Variants in IGF2BP2 observed in about 807,000 individuals in gnomAD.
IGF2BP2 encodes the protein insulin like growth factor 2 mRNA binding protein 2.
In IGF2BP2, 17 loss-of-function variants were observed where a neutral mutation model predicts 75.8. The observed-to-expected ratio is 0.22, with a 90% CI of 0.15 to 0.34. The LOEUF (loss-of-function observed/expected upper bound fraction) is 0.34, where lower values mean the gene tolerates loss of function less well. IGF2BP2 is among the 10% of genes least tolerant of loss of function. The probability of loss-of-function intolerance (pLI) is 1.00; values close to 1 mark genes in which losing one functional copy is unlikely to be tolerated. For missense variants in IGF2BP2, 516 were observed against 772.4 expected (o/e 0.67, Z 3.93); for synonymous variants, 288 against 295.6 (o/e 0.97, Z 0.26).
chr3:185,800,507 G>GT (rs1471158334), intron 2 of IGF2BP2, among the ~76,000 whole-genome samples: 2 of 152,072 alleles, frequency 1.3e-5, no homozygotes, highest in Non-Finnish European at 2.9e-5. Flanking sequence ...GCAAGGCTGA[G>GT]GCAAGGATCA....
chr3:185,786,480 T>A (rs1228138409), intron 2 of IGF2BP2, among the ~76,000 whole-genome samples: 3 of 152,210 alleles, frequency 2.0e-5, no homozygotes, highest in Non-Finnish European at 4.4e-5. Flanking sequence ...AACTGAGCAA[T>A]TAACCTTGTT....
intron 2 of IGF2BP2, among the ~76,000 whole-genome samples, chr3:185,741,211 C>T (rs1244673040): frequency 2.0e-5 from 3 of 152,130 alleles, no homozygotes; most frequent in Non-Finnish European, 2.9e-5. Context: ...GTCAAAGGCA[C>T]AAGGGTAAAA....
At chr3:185,695,493 G>T (rs1013881389) in intron 4 of IGF2BP2, among the ~76,000 whole-genome samples, 1 of 152,130 alleles carries the variant, frequency 6.6e-6, no homozygotes, top group Non-Finnish European at 1.5e-5. Flanking sequence ...TCAAGGGTTC[G>T]CAGTCAGTAA....
intron 2 of IGF2BP2, among the ~76,000 whole-genome samples, chr3:185,716,096 T>C (rs746079788): frequency 3.0e-4 from 46 of 152,212 alleles, no homozygotes; most frequent in Admixed American, 3.3e-4. Context: ...CTTGAAAGCA[T>C]AACAAATAGA....
At chr3:185,672,155 GTAGA>G (rs1388787471) in intron 10 of IGF2BP2, among the ~76,000 whole-genome samples, 5 of 152,140 alleles carry the variant, frequency 3.3e-5, no homozygotes, top group Non-Finnish European at 2.9e-5. Flanking sequence ...ATGTATGTAT[GTAGA>G]TATATATCTC....
chr3:185,808,178 T>A (rs1352898943), intron 2 of IGF2BP2, among the ~76,000 whole-genome samples: 1 of 150,966 alleles, frequency 6.6e-6, no homozygotes, highest in African/African-American at 2.4e-5. Flanking sequence ...CAAAAATGTT[T>A]TAAATTGCTA....
intron 2 of IGF2BP2, among the ~76,000 whole-genome samples, chr3:185,705,154 T>C (rs534158647): frequency 2.0e-5 from 3 of 152,346 alleles, no homozygotes; most frequent in African/African-American, 7.2e-5. Context: ...TAGAGTGCAG[T>C]GGTGCGATCT....
intron 2 of IGF2BP2, among the ~76,000 whole-genome samples, chr3:185,769,733 G>A (rs1272730248): frequency 2.0e-5 from 3 of 150,572 alleles, no homozygotes; most frequent in Non-Finnish European, 4.4e-5. Context: ...GGAGGCTGAG[G>A]TGGAAGGATC....
chr3:185,712,340 T>C (rs957603770), intron 2 of IGF2BP2, among the ~76,000 whole-genome samples: 7 of 152,192 alleles, frequency 4.6e-5, no homozygotes, highest in African/African-American at 1.7e-4. Flanking sequence ...AGAAAAAGCC[T>C]TGATTTCCTA....
chr3:185,763,953 CCGTTCTGCTGCTGTTT>C (rs2149708355), intron 2 of IGF2BP2, among the ~76,000 whole-genome samples: 1 of 152,092 alleles, frequency 6.6e-6, no homozygotes, highest in South Asian at 2.1e-4. Context: ...GTGGGTAACT[CCGTTCTGCTGCTGTTT>C]CTTGGAGTGA....
intron 2 of IGF2BP2, among the ~76,000 whole-genome samples, chr3:185,796,643 G>C (rs1332224224): frequency 6.9e-6 from 1 of 144,068 alleles, no homozygotes; most frequent in Non-Finnish European, 1.5e-5. Flanking sequence ...AAGAGAGAGA[G>C]ACTAAGGTAA....
intron 2 of IGF2BP2, among the ~76,000 whole-genome samples, chr3:185,732,436 T>C (rs1201628443): frequency 6.6e-6 from 1 of 152,204 alleles, no homozygotes; most frequent in Non-Finnish European, 1.5e-5. Flanking sequence ...CTCAGTATGA[T>C]AAACAACTGA....
chr3:185,823,749 C>T (rs973592611), intron 1 of IGF2BP2, among the ~76,000 whole-genome samples: 3 of 151,920 alleles, frequency 2.0e-5, no homozygotes, highest in Non-Finnish European at 2.9e-5. Flanking sequence ...CTCCACACGC[C>T]GGTGGGGAAG....
At chr3:185,823,866 AGTGT>A (rs774773269) in intron 1 of IGF2BP2, among the ~76,000 whole-genome samples, 1 of 149,512 alleles carries the variant, frequency 6.7e-6, no homozygotes, top group Non-Finnish European at 1.5e-5. Context: ...CGCGCGCGCG[AGTGT>A]GTGTGTGTGT....
At chr3:185,655,137 C>CT (rs1715229618) in intron 12 of IGF2BP2, among the ~76,000 whole-genome samples, 3 of 152,128 alleles carry the variant, frequency 2.0e-5, no homozygotes, top group African/African-American at 7.2e-5. Flanking sequence ...GATTTTTTTA[C>CT]TTTTATTTTT....
chr3:185,747,663 AG>A (rs1048449455), intron 2 of IGF2BP2, among the ~76,000 whole-genome samples: 2 of 152,090 alleles, frequency 1.3e-5, no homozygotes, highest in Non-Finnish European at 2.9e-5. Flanking sequence ...TGGGCGACAG[AG>A]CAAGAGTCCG....
At chr3:185,813,678 C>T (rs1740214699) in intron 2 of IGF2BP2, among the ~76,000 whole-genome samples, 7 of 152,188 alleles carry the variant, frequency 4.6e-5, no homozygotes, top group Admixed American at 2.6e-4. Context: ...AACGTTAGAC[C>T]CCTACAACCA....
intron 2 of IGF2BP2, among the ~76,000 whole-genome samples, chr3:185,808,838 G>T (rs949832665): frequency 6.6e-6 from 1 of 152,046 alleles, no homozygotes; most frequent in Admixed American, 6.5e-5. Context: ...AAAGTGCTGG[G>T]ATTACAGGCA....
chr3:185,654,141 T>TG (rs1430769908), intron 12 of IGF2BP2, among the ~76,000 whole-genome samples: 28 of 152,362 alleles, frequency 1.8e-4, no homozygotes, highest in African/African-American at 6.7e-4. Context: ...AAGAGTTCTC[T>TG]GGCTGTGACT....
Sources: gnomAD v4.1 joint callset for allele counts (sites outside exome capture counted in the v4.1 genomes callset) on GRCh38, gnomAD v4.1.1 for gene constraint, MANE v1.5 for transcripts, NCBI Gene and HGNC (gene_info 2026-07-23, HGNC 2026-07-21) for gene names.